The following CYP24A1 variants were observed in gnomAD, a reference collection of about 807,000 sequenced individuals.
The protein encoded by CYP24A1 is cytochrome P450 family 24 subfamily A member 1.
Under a neutral mutation model 62.4 loss-of-function variants are expected in CYP24A1, and 68 were observed. The observed-to-expected ratio is 1.09, with a 90% CI of 0.90 to 1.33. The LOEUF is 1.33. Among genes scored for constraint, CYP24A1 ranks in the 40% most tolerant of loss-of-function variants. The pLI, the probability that CYP24A1 is intolerant of heterozygous loss-of-function variation, is 0.00. For missense variants in CYP24A1, 787 were observed against 653.0 expected, an observed-to-expected ratio of 1.21 and a Z score of -2.24; for synonymous variants, 267 against 253.0, an observed-to-expected ratio of 1.06 and a Z score of -0.52.
intron 6 of CYP24A1, among the ~76,000 whole-genome samples, chr20:54,163,430 A>G (rs1218538770): frequency 6.6e-6 from 1 of 151,934 alleles, no homozygotes; most frequent in African/African-American, 2.4e-5. Context: ...TTAAGCAAAC[A>G]ACCACCAGGC....
the CYP24A1 span, among the ~76,000 whole-genome samples, chr20:54,144,926 A>T: frequency 2.0e-5 from 3 of 152,172 alleles, no homozygotes; most frequent in African/African-American, 4.8e-5. Flanking sequence ...ATTTGGAGAT[A>T]AAATGTTATT....
Position 54,157,218 on chromosome 20 carries a change from C to T in CYP24A1, c.1506G>A (p.Val502=). 1 of 1,612,892 alleles carries T rather than the reference C, an allele frequency of 6.2e-7. No individual in the cohort carries two copies. Among genetic ancestry groups the T allele is most frequent in the Non-Finnish European group, 8.5e-7 (1 of 1,178,926 alleles). Residue 502 remains valine, a synonymous_variant, in exon 11 of 12, where the codon GTG becomes GTA. Transcript: ENST00000216862. ...ACGCGATGGGGAGTTCCCGGCTGGG[C>T]ACCAGGGTGCCTGAGTGTAGCATCT... is the stretch of plus-strand genomic sequence containing the variant. ...PVEMLHSGTL[V]PSRELPIAFC...
At position 54,173,316 on chromosome 20, in the gene CYP24A1, G is replaced by T; in HGVS notation, c.258+6C>A. The T allele has an allele frequency of 1.9e-6, 3 of 1,607,672 alleles. No homozygotes were observed. The highest frequency in any genetic ancestry group is 1.7e-6 in the Non-Finnish European group (2 of 1,175,872). On this transcript the variant is annotated splice_donor_region_variant and intron_variant, in intron 1 of 11. Transcript: ENST00000216862. This position sits in a 1 kb window ranked among gnomAD's most constrained non-coding sequence, Gnocchi z 7.2. ...GAGAGAGTCAGGGGCGCGAAAAGGG[G>T]TTTACCAGGGTGTCGTGCTGTTTCT...
intron 5 of CYP24A1, among the ~76,000 whole-genome samples, chr20:54,165,361 A>G (rs2092667757): frequency 6.6e-6 from 1 of 152,248 alleles, no homozygotes; most frequent in Non-Finnish European, 1.5e-5. Context: ...TCACCCCCAG[A>G]TGGGACTTTC....
intron 4 of CYP24A1, 139 bp from the exon 5 acceptor site, chr20:54,165,972 A>ATTTT: frequency 1.3e-5 from 9 of 700,288 alleles, no homozygotes; most frequent in South Asian, 6.5e-5. Flanking sequence ...GTCCAAGAAT[A>ATTTT]TTGAGGAAAA....
chr20:54,167,455 C>A (rs1442447732), intron 4 of CYP24A1, among the ~76,000 whole-genome samples: 1 of 152,074 alleles, frequency 6.6e-6, no homozygotes, highest in Non-Finnish European at 1.5e-5. Context: ...CAACCGGTGG[C>A]AAAACCCCAT....
intron 3 of CYP24A1, among the ~76,000 whole-genome samples, chr20:54,170,690 T>A (rs546804100): frequency 2.6e-5 from 4 of 152,278 alleles, no homozygotes; most frequent in Admixed American, 2.0e-4. Flanking sequence ...TTGCTGGAAC[T>A]GGGGCTGCTG....
At chr20:54,166,879 A>G (rs554613684) in intron 4 of CYP24A1, among the ~76,000 whole-genome samples, 6 of 152,242 alleles carry the variant, frequency 3.9e-5, no homozygotes, top group African/African-American at 1.4e-4. Context: ...AAAAAAATAA[A>G]AATAAAAAAA....
chr20:54,165,499 C>T (rs2092668292), intron 5 of CYP24A1, among the ~76,000 whole-genome samples: 1 of 152,232 alleles, frequency 6.6e-6, no homozygotes, highest in Admixed American at 6.5e-5. Flanking sequence ...TGCCCCACCA[C>T]CCTGCCCTGT....
the CYP24A1 span, among the ~76,000 whole-genome samples, chr20:54,144,264 C>A: frequency 2.0e-5 from 3 of 150,996 alleles, no homozygotes; most frequent in South Asian, 6.3e-4. Context: ...AGGCTAGAGT[C>A]CGGTGACATG....
intron 3 of CYP24A1, among the ~76,000 whole-genome samples, chr20:54,170,937 T>C (rs1282261254): frequency 1.3e-5 from 2 of 152,200 alleles, no homozygotes; most frequent in Non-Finnish European, 2.9e-5. Flanking sequence ...AGGGATAATG[T>C]CCAAATACCT....
At chr20:54,164,355 G>A in intron 6 of CYP24A1, 97 bp downstream of exon 6, 1 of 1,608,298 alleles carries the variant, frequency 6.2e-7, no homozygotes, top group South Asian at 1.1e-5. Context: ...TAAATGTGGT[G>A]ATGAGGCTCA....
chr20:54,157,584 G>C lies in CYP24A1; in HGVS notation c.1238C>G (p.Thr413Arg). ...CACCTGGGTATTTAGCATGAGCACT[G>C]TCTAAACACATGCAGAGACACATAG... Reference protein sequence around the residue: ...VLGEYALPKGTVLMLNTQVLG... With the variant: ...VLGEYALPKGRVLMLNTQVLG... Residue 413 changes from threonine (T) to arginine (R), a missense_variant and splice_region_variant, in exon 10 of 12, where the codon ACA becomes AGA. Thr to Arg is a moderately conservative substitution (Grantham distance 71, BLOSUM62 -1). Transcript: ENST00000216862. 6.5e-7 allele frequency: 1 copy of C among 1,538,190 alleles called. No homozygotes were observed. The highest frequency in any genetic ancestry group is 1.7e-5 in the Admixed American group (1 of 59,930).
chr20:54,143,724 TA>T, the CYP24A1 span, among the ~76,000 whole-genome samples: 9 of 146,974 alleles, frequency 6.1e-5, no homozygotes, highest in East Asian at 2.0e-4. Context: ...AAAATAGAAG[TA>T]AAAAAAAATA....
the CYP24A1 span, among the ~76,000 whole-genome samples, chr20:54,144,212 C>T: frequency 2.2e-5 from 3 of 136,814 alleles, no homozygotes; most frequent in Non-Finnish European, 4.6e-5. Context: ...TTTTCTCTTT[C>T]TTTCTTTTTT....
chr20:54,149,559 G>A (rs1034929062), downstream of CYP24A1, among the ~76,000 whole-genome samples: 1 of 152,116 alleles, frequency 6.6e-6, no homozygotes, highest in African/African-American at 2.4e-5. Context: ...AATGAAGGAG[G>A]AAATGGAGAG....
chr20:54,157,577 G>A lies in CYP24A1; in HGVS notation c.1245C>T (p.Leu415=). 1 of 1,574,068 alleles carries A rather than the reference G, an allele frequency of 6.4e-7. No individual in the cohort carries two copies. ...ATCCCAACACCTGGGTATTTAGCAT[G>A]AGCACTGTCTAAACACATGCAGAGA... ...GEYALPKGTV[L]MLNTQVLGSS... is the part of the protein sequence containing the mutation. The change falls in exon 10 of 12, where the codon CTC becomes CTT. Residue 415 remains leucine (L), a synonymous_variant. Coordinates refer to ENST00000216862, the MANE Select transcript of CYP24A1 (RefSeq NM_000782.5).
At chr20:54,148,419 C>T in the CYP24A1 span, among the ~76,000 whole-genome samples, 1 of 146,012 alleles carries the variant, frequency 6.8e-6, no homozygotes, top group African/African-American at 2.5e-5. Context: ...CACGTCTTAA[C>T]TCTGAATGCT....
intron 4 of CYP24A1, among the ~76,000 whole-genome samples, chr20:54,168,626 T>C (rs2092680768): frequency 6.6e-6 from 1 of 152,218 alleles, no homozygotes; most frequent in Admixed American, 6.5e-5. Flanking sequence ...AAATGTCTTC[T>C]TACTAAAAAA....
Sources: allele counts gnomAD v4.1 joint callset (sites outside exome capture counted in the v4.1 genomes callset), GRCh38; gene constraint gnomAD v4.1.1; non-coding constraint Gnocchi (gnomAD v3.1); transcripts MANE v1.5; gene names NCBI Gene and HGNC (gene_info 2026-07-23, HGNC 2026-07-21).